The following ZMYM4 variants were observed in gnomAD, a reference collection of about 807,000 sequenced individuals.
The protein encoded by ZMYM4 is zinc finger MYM-type protein 4.
ZMYM4 carries 31 observed loss-of-function variants against 183.2 expected under a neutral mutation model. The observed-to-expected ratio is 0.17, with a 90% CI of 0.13 to 0.23. The LOEUF is 0.23. ZMYM4 is among the 10% of genes least tolerant of loss of function. The pLI is 1.00. For synonymous variants in ZMYM4, 592 were observed against 631.2 expected, an observed-to-expected ratio of 0.94 and a Z score of 0.93; for missense variants, 1,273 against 1,840.3, an observed-to-expected ratio of 0.69 and a Z score of 5.64.
intron 1 of ZMYM4, among the ~76,000 whole-genome samples, chr1:35,309,977 T>G (rs1309946554): frequency 6.6e-6 from 1 of 150,940 alleles, no homozygotes; most frequent in Non-Finnish European, 1.5e-5. Flanking sequence ...GCCCAAGGTC[T>G]AGAGTGCAAT....
At chr1:35,352,089 A>T (rs1207305042) in intron 2 of ZMYM4, among the ~76,000 whole-genome samples, 1 of 152,136 alleles carries the variant, frequency 6.6e-6, no homozygotes, top group African/African-American at 2.4e-5. Context: ...TCTTAAAAAA[A>T]ATTCTTATAA....
chr1:35,323,201 C>A (rs1218562181), intron 1 of ZMYM4, among the ~76,000 whole-genome samples: 4 of 152,024 alleles, frequency 2.6e-5, no homozygotes, highest in Admixed American at 1.3e-4. Context: ...GGGTTTTTGC[C>A]ATGTTGGCCA....
intron 28 of ZMYM4, among the ~76,000 whole-genome samples, chr1:35,417,027 T>C (rs1199610358): frequency 6.6e-6 from 1 of 152,058 alleles, no homozygotes; most frequent in Non-Finnish European, 1.5e-5. Context: ...TGGGTGAGTT[T>C]TGTTAAAGTA....
intron 15 of ZMYM4, among the ~76,000 whole-genome samples, chr1:35,391,549 AAAAT>A (rs1465874937): frequency 2.0e-5 from 3 of 152,232 alleles, no homozygotes; most frequent in Non-Finnish European, 4.4e-5. Context: ...AACTTAAAAA[AAAAT>A]TATTTCTATA....
chr1:35,412,719 C>A (rs1175847334), intron 26 of ZMYM4, among the ~76,000 whole-genome samples: 1 of 151,852 alleles, frequency 6.6e-6, no homozygotes, highest in East Asian at 1.9e-4. Flanking sequence ...TTGAAAGTGA[C>A]TATATTAAAA....
At chr1:35,323,384 A>G (rs1642369005) in intron 1 of ZMYM4, among the ~76,000 whole-genome samples, 1 of 152,200 alleles carries the variant, frequency 6.6e-6, no homozygotes, top group Admixed American at 6.5e-5. Flanking sequence ...GTCATGAGAA[A>G]TATTGTATAA....
rs915124426 is a variant in ZMYM4, at chr1:35,335,339, T to C, written c.85+9934T>C. Among the ~76,000 whole-genome samples the C allele has an allele frequency of 9.4e-4, 143 of 151,710 alleles. 1 individual carries two copies. Among genetic ancestry groups the C allele is most frequent in the African/African-American group, 3.4e-3 (139 of 41,258 alleles). On this transcript the variant is annotated intron_variant, in intron 2 of 29. Transcript: ENST00000314607. ...GCGATCTCTGCTTCCCGGGTTCAAG[T>C]GATTCTCCTGCCTCAGCATCCCGAG...
chr1:35,387,590 C>A lies in ZMYM4; in HGVS notation c.2249C>A (p.Ser750Ter). ...ETVRFSGADK[S>*]FCSEGCKLLY... Reference sequence around the variant, plus strand: ...GTTCGGTTCTCAGGTGCTGACAAGTCATTCTGTAGTGAAGGTAAAGACAGA... The same window carrying A: ...GTTCGGTTCTCAGGTGCTGACAAGTAATTCTGTAGTGAAGGTAAAGACAGA... The change falls in exon 13 of 30, where the codon TCA (serine) becomes TAA (stop). Residue 750 changes from serine to a stop codon, truncating the protein, a stop_gained. Transcript: ENST00000314607. LOFTEE classifies it high-confidence loss of function. 6.2e-7 allele frequency: 1 copy of A among 1,610,152 alleles called. No individual in the cohort carries two copies. Among genetic ancestry groups the A allele is most frequent in the South Asian group, 1.1e-5 (1 of 90,044 alleles).
chr1:35,398,498 GAA>G, intron 21 of ZMYM4, 32 bp downstream of exon 21: 3 of 1,567,044 alleles, frequency 1.9e-6, no homozygotes, highest in Non-Finnish European at 2.6e-6. Context: ...TTGATTTTTA[GAA>G]ATACTACCCT....
At chr1:35,324,013 C>A (rs1642403140) in intron 1 of ZMYM4, among the ~76,000 whole-genome samples, 1 of 152,094 alleles carries the variant, frequency 6.6e-6, no homozygotes, top group Non-Finnish European at 1.5e-5. Context: ...AAATTACCTG[C>A]ACTATCATTT....
chr1:35,330,941 T>G (rs765167427), intron 2 of ZMYM4, among the ~76,000 whole-genome samples: 6 of 152,228 alleles, frequency 3.9e-5, no homozygotes, highest in Non-Finnish European at 8.8e-5. Flanking sequence ...GTTTTAGGTA[T>G]ATTAACCATG....
chr1:35,275,233 A>T (rs1447041007), intron 1 of ZMYM4, among the ~76,000 whole-genome samples: 3 of 151,780 alleles, frequency 2.0e-5, no homozygotes, highest in South Asian at 2.1e-4. Context: ...CAATGGAAAG[A>T]TTTTCTTTTT....
intron 1 of ZMYM4, among the ~76,000 whole-genome samples, chr1:35,281,146 T>A (rs1396920864): frequency 6.6e-6 from 1 of 151,822 alleles, no homozygotes; most frequent in African/African-American, 2.4e-5. Context: ...TAGCCAGGCG[T>A]GGTGGCACGT....
intron 2 of ZMYM4, among the ~76,000 whole-genome samples, chr1:35,346,788 A>G (rs1643413219): frequency 6.6e-6 from 1 of 152,120 alleles, no homozygotes; most frequent in African/African-American, 2.4e-5. Context: ...TGAACTACAC[A>G]TAGCAACATT....
chr1:35,361,804 T>C lies in ZMYM4; in HGVS notation c.840+15T>C. 6.3e-7 allele frequency: 1 copy of C among 1,582,836 alleles called. No homozygotes were observed. Among genetic ancestry groups the C allele is most frequent in the South Asian group, 1.2e-5 (1 of 86,246 alleles). ...ACAATGCTCAAGTAAACATTTCACC[T>C]TTTTTCCCCCCTTCTTTTTGTTCCA... is the stretch of plus-strand genomic sequence containing the variant. On this transcript the variant is annotated intron_variant, in intron 5 of 29. Transcript: ENST00000314607.
At chr1:35,311,570 A>G (rs1054839697) in intron 1 of ZMYM4, among the ~76,000 whole-genome samples, 2 of 151,968 alleles carry the variant, frequency 1.3e-5, no homozygotes, top group Admixed American at 6.6e-5. Context: ...GTACCACTGT[A>G]CCCTAGTCTG....
At chr1:35,324,035 C>G (rs933021897) in intron 1 of ZMYM4, among the ~76,000 whole-genome samples, 1 of 151,946 alleles carries the variant, frequency 6.6e-6, no homozygotes, top group Non-Finnish European at 1.5e-5. Flanking sequence ...AAAAATTGCT[C>G]CTTTTGTTTT....
intron 2 of ZMYM4, among the ~76,000 whole-genome samples, chr1:35,346,660 A>AG (rs1244174199): frequency 6.6e-6 from 1 of 150,978 alleles, no homozygotes; most frequent in Non-Finnish European, 1.5e-5. Context: ...CAAAAAAAAA[A>AG]AAAAAAAAAA....
chr1:35,364,223 G>A (rs1320594940), intron 5 of ZMYM4, among the ~76,000 whole-genome samples: 1 of 152,182 alleles, frequency 6.6e-6, no homozygotes, highest in Non-Finnish European at 1.5e-5. Flanking sequence ...TTGGACTTGA[G>A]AATTAAGCAG....
Sources: allele counts gnomAD v4.1 joint callset (sites outside exome capture counted in the v4.1 genomes callset), GRCh38; gene constraint gnomAD v4.1.1; transcripts MANE v1.5; gene names NCBI Gene and HGNC (gene_info 2026-07-23, HGNC 2026-07-21).